The following SMG6 variants were observed in gnomAD, a reference collection of about 807,000 sequenced individuals.
SMG6 encodes telomerase-binding protein EST1A.
SMG6 carries 66 observed loss-of-function variants against 142.2 expected under a neutral mutation model. The ratio of observed to expected loss-of-function variants is 0.46; its 90% confidence interval spans 0.38 to 0.57. SMG6 has a LOEUF of 0.57. SMG6 is among the 20% of genes least tolerant of loss of function. The probability of loss-of-function intolerance (pLI) is 0.00; values close to 1 mark genes in which losing one functional copy is unlikely to be tolerated. For synonymous variants in SMG6, 779 were observed against 702.4 expected (o/e 1.11, Z -1.72); for missense variants, 1,793 against 1,832.0 (o/e 0.98, Z 0.39).
chr17:2,082,853 T>C (rs1488343535), intron 14 of SMG6, among the ~76,000 whole-genome samples: 1 of 152,234 alleles, frequency 6.6e-6, no homozygotes, highest in Non-Finnish European at 1.5e-5. Context: ...AACTGGATTA[T>C]AATAATGACA....
At chr17:2,215,213 ACACACACACACGCGCGCG>A (rs2072979293) in intron 10 of SMG6, among the ~76,000 whole-genome samples, 1 of 11,458 alleles carries the variant, frequency 8.7e-5, no homozygotes, top group South Asian at 1.3e-3. Context: ...TACATTATAA[ACACACACACACGCGCGCG>A]CACACACACA....
At chr17:2,276,536 C>T (rs1204867351) in intron 8 of SMG6, among the ~76,000 whole-genome samples, 1 of 152,096 alleles carries the variant, frequency 6.6e-6, no homozygotes, top group African/African-American at 2.4e-5. Context: ...AGGCATACGT[C>T]ATCACACCCA....
intron 13 of SMG6, among the ~76,000 whole-genome samples, chr17:2,165,005 A>G (rs1383320790): frequency 6.6e-6 from 1 of 152,184 alleles, no homozygotes; most frequent in Non-Finnish European, 1.5e-5. Context: ...AACATGTAAC[A>G]GGTTTTAGAG....
At chr17:2,249,318 C>T (rs1448635119) in intron 8 of SMG6, among the ~76,000 whole-genome samples, 5 of 152,082 alleles carry the variant, frequency 3.3e-5, no homozygotes, top group Non-Finnish European at 7.4e-5. Flanking sequence ...ATCTTAGAGA[C>T]AGTGTCTCAC....
At chr17:2,286,307 CA>C (rs74656326) in intron 6 of SMG6, among the ~76,000 whole-genome samples, 40,861 of 89,140 alleles carry the variant, frequency 0.46, 5,128 homozygotes, top group Middle Eastern at 0.56. Context: ...CTCAAATGGC[CA>C]AAAAAAAAAA....
At position 2,085,787 on chromosome 17, in the gene SMG6, G is replaced by A; in HGVS notation, c.3472C>T (p.Pro1158Ser). The part of the protein sequence containing the change: ...FKGGKYVSVA[P>S]VPDTMGKEMG... ...TCCTTTCCCATGGTGTCTGGGACGGGTGCCACTGACACATACTTTCCACCC... is the reference window on the plus strand; with the variant it reads ...TCCTTTCCCATGGTGTCTGGGACGGATGCCACTGACACATACTTTCCACCC... Residue 1158 changes from proline (P) to serine (S), a missense_variant, in exon 14 of 19, where the codon CCC (proline) becomes TCC (serine). Pro to Ser is a moderately conservative substitution (Grantham distance 74, BLOSUM62 -1). Coordinates refer to ENST00000263073, the MANE Select transcript of SMG6 (RefSeq NM_017575.5). The surrounding 1 kb of genome is among the most constrained non-coding windows in gnomAD (Gnocchi z 4.1). The A allele has an allele frequency of 1.2e-6, 2 of 1,614,188 alleles. 1 individual carries two copies. Among genetic ancestry groups the A allele is most frequent in the South Asian group, 2.2e-5 (2 of 91,086 alleles).
chr17:2,154,284 T>A (rs1597481869), intron 13 of SMG6, among the ~76,000 whole-genome samples: 1 of 136,804 alleles, frequency 7.3e-6, no homozygotes, highest in African/African-American at 2.8e-5. Flanking sequence ...TGGGGATGCA[T>A]CTAGAGTGTG....
chr17:2,088,355 T>C (rs918776994), intron 13 of SMG6: 202 of 985,306 alleles, frequency 2.1e-4, no homozygotes, highest in Non-Finnish European at 2.3e-4. Context: ...TGAGGCCACC[T>C]GCAGCACTTC....
chr17:2,160,790 C>T (rs2071151888), intron 13 of SMG6, among the ~76,000 whole-genome samples: 1 of 152,180 alleles, frequency 6.6e-6, no homozygotes, highest in South Asian at 2.1e-4. Flanking sequence ...ATGATTGTAT[C>T]ACTGCCCTCC....
At chr17:2,249,447 A>G (rs2074000171) in intron 8 of SMG6, among the ~76,000 whole-genome samples, 1 of 151,972 alleles carries the variant, frequency 6.6e-6, no homozygotes, top group African/African-American at 2.4e-5. Flanking sequence ...GGCGCATACC[A>G]ATGTGCAGGG....
intron 6 of SMG6, among the ~76,000 whole-genome samples, chr17:2,291,114 G>T (rs1053568972): frequency 1.3e-5 from 2 of 152,084 alleles, no homozygotes; most frequent in Non-Finnish European, 2.9e-5. Flanking sequence ...GGCGGATCAC[G>T]AGGTCAGGAG....
intron 10 of SMG6, among the ~76,000 whole-genome samples, chr17:2,199,181 G>A (rs1160967598): frequency 1.3e-5 from 2 of 152,102 alleles, no homozygotes; most frequent in South Asian, 2.1e-4. Context: ...CAAAAATAAG[G>A]TACACATCTC....
intron 12 of SMG6, among the ~76,000 whole-genome samples, chr17:2,180,462 A>G (rs866552623): frequency 6.6e-6 from 1 of 152,200 alleles, no homozygotes; most frequent in Non-Finnish European, 1.5e-5. Flanking sequence ...CACAGATCTA[A>G]TAAGTGCCAC....
chr17:2,289,831 TG>T (rs1352057125), intron 6 of SMG6, among the ~76,000 whole-genome samples: 2 of 151,568 alleles, frequency 1.3e-5, no homozygotes, highest in African/African-American at 4.8e-5. Context: ...GAGAATAGCT[TG>T]AACCCAGGAG....
chr17:2,093,112 T>C (rs2068767279), intron 13 of SMG6, among the ~76,000 whole-genome samples: 1 of 151,652 alleles, frequency 6.6e-6, no homozygotes, highest in South Asian at 2.1e-4. Flanking sequence ...GAGAATCTAT[T>C]GAACCCAGGA....
At chr17:2,217,911 G>A (rs949843750) in intron 10 of SMG6, among the ~76,000 whole-genome samples, 3 of 151,970 alleles carry the variant, frequency 2.0e-5, no homozygotes, top group Non-Finnish European at 2.9e-5. Context: ...TCGGGAGGGC[G>A]AGACAGGAGA....
intron 13 of SMG6, chr17:2,087,635 G>A: frequency 1.0e-6 from 1 of 996,978 alleles, no homozygotes; most frequent in Non-Finnish European, 1.2e-6. Context: ...AAGGAGAAGG[G>A]AAGCTTGTCT....
intron 13 of SMG6, among the ~76,000 whole-genome samples, chr17:2,103,846 T>G (rs965614469): frequency 6.6e-5 from 10 of 152,128 alleles, no homozygotes; most frequent in Admixed American, 6.5e-4. Flanking sequence ...ATAAGAGCCT[T>G]GGTGCAAAGA....
chr17:2,195,722 A>G (rs1277179947), intron 10 of SMG6, among the ~76,000 whole-genome samples: 1 of 152,104 alleles, frequency 6.6e-6, no homozygotes, highest in East Asian at 1.9e-4. Flanking sequence ...AAAGCTTTAC[A>G]AAAGGATTGC....
Sources: gnomAD v4.1 joint callset for allele counts (sites outside exome capture counted in the v4.1 genomes callset) on GRCh38, gnomAD v4.1.1 for gene constraint, Gnocchi (gnomAD v3.1) non-coding constraint, MANE v1.5 for transcripts, NCBI Gene and HGNC (gene_info 2026-07-23, HGNC 2026-07-21) for gene names.